Variants in PRORP observed in about 807,000 individuals in gnomAD.
PRORP encodes protein only RNase P catalytic subunit, also known as mitochondrial ribonuclease P catalytic subunit.
A neutral mutation model predicts 59.4 loss-of-function variants in PRORP; 51 were observed. The ratio of observed to expected loss-of-function variants is 0.86; its 90% CI spans 0.69 to 1.08. The LOEUF (loss-of-function observed/expected upper bound fraction) is 1.08. Among genes scored for constraint, PRORP ranks in the 50% least tolerant of loss-of-function variants. The probability of loss-of-function intolerance (pLI) is 0.00; values close to 1 mark genes in which losing one functional copy is unlikely to be tolerated. For synonymous variants in PRORP, 231 were observed against 245.6 expected, an observed-to-expected ratio of 0.94 and a Z score of 0.55; for missense variants, 646 against 690.3, an observed-to-expected ratio of 0.94 and a Z score of 0.72.
At chr14:35,181,783 C>CCAAAAAAAAAA (rs534136447) in intron 5 of PRORP, among the ~76,000 whole-genome samples, 1 of 109,400 alleles carries the variant, frequency 9.1e-6, no homozygotes, top group Admixed American at 1.0e-4. Flanking sequence ...AAAACTGTCT[C>CCAAAAAAAAAA]AAAAAAAAAA....
At chr14:35,273,044 T>TGTTTTGTTTC (rs1427623763) in intron 7 of PRORP, among the ~76,000 whole-genome samples, 1 of 152,230 alleles carries the variant, frequency 6.6e-6, no homozygotes, top group South Asian at 2.1e-4. Flanking sequence ...GTTGTTGTTT[T>TGTTTTGTTTC]GTTTTGTTTC....
In PRORP at chr14:35,254,397, G is replaced by A. The variant is rs577324534; in HGVS notation, c.1276-12330G>A. Among the ~76,000 whole-genome samples, 5 of 152,046 alleles carry A rather than the reference G, an allele frequency of 3.3e-5. No homozygotes were observed. The South Asian group carries it at 1.0e-3, about 32-fold the overall frequency. On this transcript the variant is annotated intron_variant, in intron 5 of 7. Transcript: ENST00000534898. ...GGTTTGTTTGCTTGTTTGTTTGTTTGTTTGTTTGTTTTGAGATGGAGTTTC... is the reference window on the plus strand; with the variant it reads ...GGTTTGTTTGCTTGTTTGTTTGTTTATTTGTTTGTTTTGAGATGGAGTTTC...
chr14:35,180,522 GTATC>G (rs1413162269), intron 4 of PRORP, 144 bp from the exon 5 acceptor site: 17 of 566,140 alleles, frequency 3.0e-5, no homozygotes, highest in Admixed American at 1.6e-4. Context: ...CATTTGTAGA[GTATC>G]TGTGTGTGTG....
At chr14:35,129,648 T>C (rs1356393407) in intron 4 of PRORP, among the ~76,000 whole-genome samples, 1 of 151,912 alleles carries the variant, frequency 6.6e-6, no homozygotes, top group East Asian at 1.9e-4. Context: ...CAAATTTTTT[T>C]TTTTGTATTT....
At chr14:35,142,437 T>G (rs2047503673) in intron 4 of PRORP, among the ~76,000 whole-genome samples, 1 of 139,936 alleles carries the variant, frequency 7.1e-6, no homozygotes, top group South Asian at 2.4e-4. Context: ...AGCAATGAAC[T>G]CCTGGGCTGG....
intron 5 of PRORP, among the ~76,000 whole-genome samples, chr14:35,242,244 A>T (rs1329993169): frequency 6.6e-6 from 1 of 152,186 alleles, no homozygotes; most frequent in Non-Finnish European, 1.5e-5. Flanking sequence ...CCATATAAAT[A>T]TTTGTGTTGA....
intron 5 of PRORP, among the ~76,000 whole-genome samples, chr14:35,237,666 A>G (rs189243266): frequency 7.9e-5 from 12 of 151,864 alleles, no homozygotes; most frequent in East Asian, 3.9e-4. Context: ...TTAAACTTCT[A>G]TTTTTTATTT....
intron 5 of PRORP, among the ~76,000 whole-genome samples, chr14:35,254,087 C>T (rs2050686816): frequency 3.3e-5 from 5 of 151,042 alleles, no homozygotes; most frequent in Admixed American, 2.0e-4. Flanking sequence ...AGCTCCTCCT[C>T]TCATAGACTC....
At position 35,218,043 on chromosome 14, in the gene PRORP, AAAAT is replaced by A. The variant is rs1041721411; in HGVS notation, c.1275+37273_1275+37276del. Reference sequence around the variant, plus strand: ...GTATGTTGTTTTAATTTGCATTTAAAAAATAAATAATGGGGCTAACTTTTTTCAA... The same window carrying A: ...GTATGTTGTTTTAATTTGCATTTAAAAAATAATGGGGCTAACTTTTTTCAA... On this transcript the variant is annotated intron_variant, in intron 5 of 7. Transcript: ENST00000534898. Among the ~76,000 whole-genome samples, 4 of 152,196 alleles carry A rather than the reference AAAAT, an allele frequency of 2.6e-5. No homozygotes were observed. In the South Asian group the frequency reaches 8.3e-4, roughly 31 times the overall value.
At chr14:35,163,320 G>A (rs2048107448) in intron 4 of PRORP, among the ~76,000 whole-genome samples, 1 of 151,932 alleles carries the variant, frequency 6.6e-6, no homozygotes, top group South Asian at 2.1e-4. Flanking sequence ...TGTATTTGTT[G>A]CACTCTATTT....
chr14:35,205,542 G>T (rs776399102), intron 5 of PRORP, among the ~76,000 whole-genome samples: 1 of 151,998 alleles, frequency 6.6e-6, no homozygotes, highest in Admixed American at 6.6e-5. Flanking sequence ...GGCTGGTCTC[G>T]AACTCCTGGG....
chr14:35,132,784 C>T (rs950355619), intron 4 of PRORP, among the ~76,000 whole-genome samples: 2 of 72,628 alleles, frequency 2.8e-5, no homozygotes, highest in East Asian at 6.3e-4. Flanking sequence ...GAGACTCCAT[C>T]AAAAAAAAAA....
At chr14:35,209,734 C>T (rs1040641774) in intron 5 of PRORP, among the ~76,000 whole-genome samples, 1 of 152,070 alleles carries the variant, frequency 6.6e-6, no homozygotes, top group African/African-American at 2.4e-5. Flanking sequence ...TGGAGTTTCA[C>T]CAGGTTGGCC....
At chr14:35,253,414 A>C (rs943072445) in intron 5 of PRORP, among the ~76,000 whole-genome samples, 1 of 129,724 alleles carries the variant, frequency 7.7e-6, no homozygotes, top group Non-Finnish European at 1.6e-5. Flanking sequence ...GAAAGAAAGA[A>C]AAAAAGAAAA....
intron 2 of PRORP, among the ~76,000 whole-genome samples, chr14:35,125,104 G>A (rs1017145851): frequency 1.3e-5 from 2 of 151,914 alleles, no homozygotes; most frequent in African/African-American, 4.8e-5. Flanking sequence ...CAGGTGATCC[G>A]CCTGCCTCGG....
rs560823161 is a variant in PRORP at position 35,143,102 on chromosome 14, C to T, written c.1167+15491C>T. ...ATTGCAGTTCTTAACCTTTTGGTCT[C>T]GGGACCCTTTTACATATTTAAACAT... On this transcript the variant is annotated intron_variant, in intron 4 of 7. Transcript: ENST00000534898. Among the ~76,000 whole-genome samples, 2 of 145,942 alleles carry T rather than the reference C, an allele frequency of 1.4e-5. 1 individual carries two copies. Among genetic ancestry groups the T allele is most frequent in the Non-Finnish European group, 3.0e-5 (2 of 65,600 alleles).
At chr14:35,142,580 A>G (rs1186477722) in intron 4 of PRORP, among the ~76,000 whole-genome samples, 1 of 143,276 alleles carries the variant, frequency 7.0e-6, no homozygotes, top group African/African-American at 2.5e-5. Flanking sequence ...GGTGGCTCAC[A>G]CCTGTAATCC....
intron 5 of PRORP, among the ~76,000 whole-genome samples, chr14:35,215,969 G>A (rs980679528): frequency 2.0e-5 from 3 of 151,470 alleles, no homozygotes; most frequent in African/African-American, 4.9e-5. Flanking sequence ...GTTTCACCAC[G>A]TTGGCCAGCC....
At chr14:35,217,226 C>T (rs902042581) in intron 5 of PRORP, among the ~76,000 whole-genome samples, 1 of 151,880 alleles carries the variant, frequency 6.6e-6, no homozygotes, top group Non-Finnish European at 1.5e-5. Context: ...CTAGGGTGGG[C>T]GCAGTGGCTC....
Sources: gnomAD v4.1 joint callset for allele counts (sites outside exome capture counted in the v4.1 genomes callset) on GRCh38, gnomAD v4.1.1 for gene constraint, MANE v1.5 for transcripts, NCBI Gene and HGNC (gene_info 2026-07-23, HGNC 2026-07-21) for gene names.